CDKAL1: variants seen among roughly 807,000 people sequenced by gnomAD.
The protein encoded by CDKAL1 is threonylcarbamoyladenosine tRNA methylthiotransferase.
CDKAL1 carries 32 observed loss-of-function variants against 68.2 expected under a neutral mutation model. That is an observed-to-expected ratio of 0.47 (90% CI 0.35 to 0.63). CDKAL1 has a LOEUF of 0.63. CDKAL1 is among the 30% of genes least tolerant of loss of function. The probability of loss-of-function intolerance (pLI) is 0.00; values close to 1 mark genes in which losing one functional copy is unlikely to be tolerated. For synonymous variants in CDKAL1, 234 were observed against 244.3 expected, an observed-to-expected ratio of 0.96 and a Z score of 0.39; for missense variants, 606 against 696.7, an observed-to-expected ratio of 0.87 and a Z score of 1.47.
chr6:21,035,904 C>T (rs776445857), intron 11 of CDKAL1, among the ~76,000 whole-genome samples: 4 of 152,144 alleles, frequency 2.6e-5, no homozygotes, highest in Non-Finnish European at 5.9e-5. Context: ...ATTCTACTTC[C>T]TCTATTTGTC....
At chr6:21,066,720 C>T (rs904444997) in intron 12 of CDKAL1, among the ~76,000 whole-genome samples, 12 of 152,214 alleles carry the variant, frequency 7.9e-5, no homozygotes, top group African/African-American at 2.7e-4. Context: ...CTCCTGGGCT[C>T]AAGCAGTCCT....
intron 5 of CDKAL1, among the ~76,000 whole-genome samples, chr6:20,677,476 T>C (rs1237383954): frequency 6.6e-6 from 1 of 152,074 alleles, no homozygotes. Context: ...TGGAGTGCAA[T>C]GGCACGATCT....
At chr6:21,052,584 G>T (rs1394514417) in intron 11 of CDKAL1, among the ~76,000 whole-genome samples, 2 of 149,200 alleles carry the variant, frequency 1.3e-5, no homozygotes, top group Admixed American at 6.7e-5. Context: ...TGTTGCTCAG[G>T]CTGGCCATGA....
chr6:20,567,698 T>TTTAA (rs199823968), intron 4 of CDKAL1, among the ~76,000 whole-genome samples: 8,023 of 151,938 alleles, frequency 0.053, 228 homozygotes, highest in Middle Eastern at 0.078. Context: ...GTCTCAGCTT[T>TTTAA]TTAATTAATT....
At chr6:20,844,582 GCTCACACCTGTAAT>G (rs1281599731) in intron 8 of CDKAL1, among the ~76,000 whole-genome samples, 1 of 151,894 alleles carries the variant, frequency 6.6e-6, no homozygotes, top group African/African-American at 2.4e-5. Flanking sequence ...AGGCTCACTG[GCTCACACCTGTAAT>G]CCCAGCACTT....
At chr6:21,087,802 A>G (rs1772776958) in intron 12 of CDKAL1, among the ~76,000 whole-genome samples, 1 of 152,052 alleles carries the variant, frequency 6.6e-6, no homozygotes, top group Non-Finnish European at 1.5e-5. Context: ...ATGCGTGCAC[A>G]CACACACACA....
chr6:20,625,050 A>G (rs1255823046), intron 4 of CDKAL1, among the ~76,000 whole-genome samples: 1 of 152,098 alleles, frequency 6.6e-6, no homozygotes, highest in East Asian at 1.9e-4. Context: ...TCAAAAAGAC[A>G]ATATTTGTCT....
chr6:20,869,467 C>T (rs1418355145), intron 9 of CDKAL1, among the ~76,000 whole-genome samples: 1 of 151,882 alleles, frequency 6.6e-6, no homozygotes, highest in East Asian at 1.9e-4. Context: ...TTCTACAGGC[C>T]GATGTAGTTT....
At chr6:20,861,629 G>T (rs4330531) in intron 9 of CDKAL1, among the ~76,000 whole-genome samples, 3 of 152,232 alleles carry the variant, frequency 2.0e-5, no homozygotes, top group Non-Finnish European at 1.5e-5. Flanking sequence ...TTCATGTTCT[G>T]TGTAGACAGA....
intron 9 of CDKAL1, among the ~76,000 whole-genome samples, chr6:20,939,646 G>GT (rs1397931183): frequency 6.6e-6 from 1 of 152,118 alleles, no homozygotes; most frequent in Non-Finnish European, 1.5e-5. Context: ...TTAAATCCTT[G>GT]TAAGTAAATG....
At chr6:20,712,611 T>C (rs1031217790) in intron 5 of CDKAL1, among the ~76,000 whole-genome samples, 1 of 151,968 alleles carries the variant, frequency 6.6e-6, no homozygotes, top group Non-Finnish European at 1.5e-5. Context: ...TAACAACTAA[T>C]GTTCAAAATG....
intron 5 of CDKAL1, among the ~76,000 whole-genome samples, chr6:20,665,498 A>C (rs1769491172): frequency 6.6e-6 from 1 of 152,110 alleles, no homozygotes; most frequent in Admixed American, 6.6e-5. Flanking sequence ...AATGCCAAGA[A>C]TAGCATTGGT....
intron 11 of CDKAL1, among the ~76,000 whole-genome samples, chr6:21,048,087 G>A (rs745902887): frequency 3.9e-5 from 6 of 152,142 alleles, no homozygotes; most frequent in African/African-American, 1.2e-4. Context: ...AATTAGAGTC[G>A]TGGACCTGGT....
intron 13 of CDKAL1, among the ~76,000 whole-genome samples, chr6:21,154,593 A>C (rs1776556496): frequency 6.6e-6 from 1 of 152,214 alleles, no homozygotes; most frequent in African/African-American, 2.4e-5. Context: ...TAAATGTTTT[A>C]ATCATTTGAC....
At chr6:21,089,302 C>T (rs962484446) in intron 12 of CDKAL1, among the ~76,000 whole-genome samples, 3 of 151,834 alleles carry the variant, frequency 2.0e-5, no homozygotes, top group African/African-American at 7.3e-5. Flanking sequence ...ATAGTGAGAC[C>T]CCTGTCTCTA....
chr6:20,580,721 C>T (rs752011802), intron 4 of CDKAL1, among the ~76,000 whole-genome samples: 1 of 151,782 alleles, frequency 6.6e-6, no homozygotes, highest in Non-Finnish European at 1.5e-5. Context: ...CTATTTTCTC[C>T]TTTTTATCAC....
chr6:21,042,851 A>G (rs527717325), intron 11 of CDKAL1, among the ~76,000 whole-genome samples: 1 of 152,176 alleles, frequency 6.6e-6, no homozygotes, highest in East Asian at 1.9e-4. Context: ...CGATACTCCC[A>G]TTCATAGGCC....
At chr6:20,839,087 A>G (rs1778073582) in intron 8 of CDKAL1, among the ~76,000 whole-genome samples, 1 of 151,656 alleles carries the variant, frequency 6.6e-6, no homozygotes. Flanking sequence ...ATATTCAGTT[A>G]AAAGAGGCCA....
At chr6:20,797,709 A>G (rs1339896022) in intron 8 of CDKAL1, among the ~76,000 whole-genome samples, 1 of 152,204 alleles carries the variant, frequency 6.6e-6, no homozygotes, top group Non-Finnish European at 1.5e-5. Context: ...TAAAAAGCTT[A>G]TGCCAAGTGA....
Sources: allele counts gnomAD v4.1 joint callset (sites outside exome capture counted in the v4.1 genomes callset), GRCh38; gene constraint gnomAD v4.1.1; transcripts MANE v1.5; gene names NCBI Gene and HGNC (gene_info 2026-07-23, HGNC 2026-07-21).